CSMD1: variants seen among roughly 807,000 people sequenced by gnomAD.
The protein encoded by CSMD1 is CUB and sushi domain-containing protein 1.
Under a neutral mutation model 417.5 loss-of-function variants are expected in CSMD1, and 213 were observed. The ratio of observed to expected loss-of-function variants is 0.51; its 90% CI spans 0.46 to 0.57. The LOEUF (loss-of-function observed/expected upper bound fraction) is 0.57. Among genes scored for constraint, CSMD1 ranks in the 20% least tolerant of loss-of-function variants. The pLI, the probability that CSMD1 is intolerant of heterozygous loss-of-function variation, is 0.00. For missense variants in CSMD1, 6,923 were observed against 4,529.7 expected (o/e 1.53, Z -15.17); for synonymous variants, 2,862 against 1,736.8 (o/e 1.65, Z -16.11).
chr8:4,472,142 G>C (rs1028100825), intron 2 of CSMD1, among the ~76,000 whole-genome samples: 5 of 152,098 alleles, frequency 3.3e-5, no homozygotes, highest in Non-Finnish European at 7.4e-5. Flanking sequence ...GATGTGTCTT[G>C]ATTGTCATAC....
chr8:3,569,750 C>T (rs541737003), intron 10 of CSMD1, among the ~76,000 whole-genome samples: 1 of 152,280 alleles, frequency 6.6e-6, no homozygotes, highest in Admixed American at 6.5e-5. Context: ...CCTAATTATA[C>T]TTAATGGCAA....
At position 3,828,157 on chromosome 8, in the gene CSMD1, C is replaced by T. The variant is rs561617478; in HGVS notation, c.819-74115G>A. ...AACATCCTAATTGAAAGTCACTTAA[C>T]ATTTACAAAGGCAATCCAAGTTTAA... On this transcript the variant is annotated intron_variant, in intron 5 of 69. Transcript: ENST00000635120. Among the ~76,000 whole-genome samples the T allele has an allele frequency of 5.3e-5, 8 of 152,268 alleles. No individual in the cohort carries two copies. The South Asian group carries it at 1.7e-3, about 32-fold the overall frequency.
chr8:4,296,070 T>C (rs577088945), intron 3 of CSMD1, among the ~76,000 whole-genome samples: 3 of 152,078 alleles, frequency 2.0e-5, no homozygotes, highest in Non-Finnish European at 4.4e-5. Context: ...GCCCTTAAAA[T>C]GATGTGCTCT....
At chr8:3,565,952 C>A (rs981246303) in intron 10 of CSMD1, among the ~76,000 whole-genome samples, 16 of 152,272 alleles carry the variant, frequency 1.1e-4, no homozygotes, top group African/African-American at 3.8e-4. Context: ...ATCTTCCCAA[C>A]GTATACGCAT....
intron 1 of CSMD1, among the ~76,000 whole-genome samples, chr8:4,712,749 T>C (rs1350373782): frequency 1.3e-5 from 2 of 152,186 alleles, no homozygotes; most frequent in East Asian, 1.9e-4. Context: ...TAAAGGTGTT[T>C]TGTTTCCTCC....
intron 5 of CSMD1, among the ~76,000 whole-genome samples, chr8:3,911,141 A>G (rs1373820024): frequency 6.6e-6 from 1 of 152,158 alleles, no homozygotes; most frequent in Admixed American, 6.5e-5. Context: ...CAGGACTCAA[A>G]GAGCTCTCAG....
intron 3 of CSMD1, among the ~76,000 whole-genome samples, chr8:4,273,673 T>G (rs1407038912): frequency 2.6e-5 from 4 of 152,160 alleles, no homozygotes; most frequent in African/African-American, 9.7e-5. Flanking sequence ...TAGCAAATAG[T>G]TTATAACCTG....
intron 1 of CSMD1, among the ~76,000 whole-genome samples, chr8:4,885,990 CTTAT>C (rs1005978220): frequency 8.2e-6 from 1 of 122,606 alleles, no homozygotes; most frequent in Non-Finnish European, 1.9e-5. Flanking sequence ...TACTTATTTA[CTTAT>C]TTATTTACTT....
chr8:4,087,700 A>T (rs751038904), intron 3 of CSMD1, among the ~76,000 whole-genome samples: 1 of 151,984 alleles, frequency 6.6e-6, no homozygotes, highest in Non-Finnish European at 1.5e-5. Context: ...TCTGCCTGGC[A>T]TCCTGCCTCC....
intron 12 of CSMD1, among the ~76,000 whole-genome samples, chr8:3,416,624 T>A (rs1333979933): frequency 1.3e-5 from 2 of 152,194 alleles, no homozygotes; most frequent in Non-Finnish European, 2.9e-5. Flanking sequence ...AGGAGCTACA[T>A]GGAAACACGT....
intron 2 of CSMD1, among the ~76,000 whole-genome samples, chr8:4,521,385 A>C (rs1209755988): frequency 6.6e-6 from 1 of 152,118 alleles, no homozygotes; most frequent in Admixed American, 6.6e-5. Flanking sequence ...AAAAGAAAAA[A>C]CAAAACAAAA....
At chr8:3,953,606 GC>G (rs1186624854) in intron 5 of CSMD1, among the ~76,000 whole-genome samples, 2 of 152,058 alleles carry the variant, frequency 1.3e-5, no homozygotes, top group African/African-American at 4.8e-5. Context: ...CTGCGCCCAA[GC>G]ATACGCATTT....
intron 5 of CSMD1, among the ~76,000 whole-genome samples, chr8:3,868,724 C>G (rs1805276918): frequency 6.6e-6 from 1 of 152,166 alleles, no homozygotes; most frequent in African/African-American, 2.4e-5. Flanking sequence ...GGGGGCACTC[C>G]TGACCCTCTG....
At chr8:3,349,072 C>T (rs1022097679) in intron 21 of CSMD1, among the ~76,000 whole-genome samples, 3 of 152,154 alleles carry the variant, frequency 2.0e-5, no homozygotes, top group Non-Finnish European at 4.4e-5. Flanking sequence ...TACTATGTGC[C>T]CAGCACACCG....
chr8:3,406,245 A>C (rs749408667), intron 14 of CSMD1, 24 bp from the exon 15 acceptor site: 1 of 1,541,168 alleles, frequency 6.5e-7, no homozygotes, highest in African/African-American at 1.4e-5. Context: ...AAGAAGAAAA[A>C]AGGAATAAAA....
intron 8 of CSMD1, among the ~76,000 whole-genome samples, chr8:3,603,610 A>T (rs1801467131): frequency 6.6e-6 from 1 of 152,188 alleles, no homozygotes; most frequent in African/African-American, 2.4e-5. Flanking sequence ...ACTTAGGGAC[A>T]TGGAATGGAA....
In CSMD1 at chr8:3,652,339, G is replaced by A. The variant is rs570820822; in HGVS notation, c.1010-35542C>T. On this transcript the variant is annotated intron_variant, in intron 7 of 69. Transcript: ENST00000635120. Reference sequence around the variant, plus strand: ...CATCGGAGTGCTCACCACCATCAGCGTGCTTACCACCATCAGCATGCTTAC... The same window carrying A: ...CATCGGAGTGCTCACCACCATCAGCATGCTTACCACCATCAGCATGCTTAC... Among the ~76,000 whole-genome samples the A allele has an allele frequency of 2.2e-4, 33 of 151,406 alleles. 1 individual carries two copies. In the South Asian group the frequency reaches 5.4e-3, roughly 25 times the overall value.
chr8:3,909,939 A>T (rs576661212), intron 5 of CSMD1, among the ~76,000 whole-genome samples: 3 of 152,284 alleles, frequency 2.0e-5, no homozygotes, highest in South Asian at 4.2e-4. Context: ...ACAAGGAAGA[A>T]AAAATGGCTT....
At chr8:4,905,560 C>T (rs1179167956) in intron 1 of CSMD1, among the ~76,000 whole-genome samples, 1 of 152,056 alleles carries the variant, frequency 6.6e-6, no homozygotes, top group Non-Finnish European at 1.5e-5. Context: ...TGGCTCACAT[C>T]TGTAATCCCA....
Sources: gnomAD v4.1 joint callset for allele counts (sites outside exome capture counted in the v4.1 genomes callset) on GRCh38, gnomAD v4.1.1 for gene constraint, MANE v1.5 for transcripts, NCBI Gene and HGNC (gene_info 2026-07-23, HGNC 2026-07-21) for gene names.